MAGI1: variants seen among roughly 807,000 people sequenced by gnomAD.
MAGI1 encodes the protein membrane-associated guanylate kinase, WW and PDZ domain-containing protein 1.
A neutral mutation model predicts 139.9 loss-of-function variants in MAGI1; 58 were observed. The observed-to-expected ratio is 0.41, with a 90% confidence interval of 0.34 to 0.52. The LOEUF is 0.52. Ranked by LOEUF, MAGI1 falls within the 20% of genes least tolerant of loss-of-function variation. The pLI is 0.12. For missense variants in MAGI1, 1,874 were observed against 1,901.6 expected (o/e 0.99, Z 0.27); for synonymous variants, 812 against 737.9 (o/e 1.10, Z -1.63).
chr3:65,895,771 A>C (rs1198296157), intron 1 of MAGI1, among the ~76,000 whole-genome samples: 1 of 152,202 alleles, frequency 6.6e-6, no homozygotes, highest in Non-Finnish European at 1.5e-5. Flanking sequence ...AGTACCATCA[A>C]TATATTTGCT....
At chr3:65,660,109 T>C (rs562508306) in intron 1 of MAGI1, among the ~76,000 whole-genome samples, 182 of 152,310 alleles carry the variant, frequency 1.2e-3, no homozygotes, top group South Asian at 5.6e-3. Context: ...TAATTTCAGC[T>C]TCAAAGAAAG....
intron 1 of MAGI1, among the ~76,000 whole-genome samples, chr3:65,986,791 CT>C (rs2065903860): frequency 6.6e-6 from 1 of 151,874 alleles, no homozygotes; most frequent in South Asian, 2.1e-4. Context: ...TGTTTCTGGA[CT>C]GGTACTTTGA....
intron 1 of MAGI1, among the ~76,000 whole-genome samples, chr3:65,627,489 T>TG: frequency 4.4e-5 from 1 of 22,734 alleles, no homozygotes; most frequent in Non-Finnish European, 7.6e-5. Flanking sequence ...CTGTATCTTT[T>TG]TTTTTTTTTT....
intron 1 of MAGI1, among the ~76,000 whole-genome samples, chr3:65,922,513 T>C (rs2062257890): frequency 1.3e-5 from 2 of 152,226 alleles, no homozygotes; most frequent in South Asian, 2.1e-4. Context: ...ATGCCAAGGA[T>C]TGCTGGAAAC....
chr3:65,939,714 G>T (rs779702100), intron 1 of MAGI1, among the ~76,000 whole-genome samples: 62 of 152,222 alleles, frequency 4.1e-4, no homozygotes, highest in Non-Finnish European at 6.0e-4. Flanking sequence ...AGTAAGAAAG[G>T]AAAGGGAAAT....
chr3:65,835,965 A>G (rs1320318005), intron 1 of MAGI1, among the ~76,000 whole-genome samples: 1 of 152,152 alleles, frequency 6.6e-6, no homozygotes, highest in African/African-American at 2.4e-5. Flanking sequence ...TGAGAGCAGA[A>G]CTGAAGTCCA....
intron 12 of MAGI1, among the ~76,000 whole-genome samples, chr3:65,404,184 T>A (rs545472445): frequency 6.0e-4 from 91 of 152,348 alleles, no homozygotes; most frequent in African/African-American, 2.1e-3. Flanking sequence ...AGAATTCTTT[T>A]TTAAGACCAG....
At chr3:65,680,841 G>C (rs981992430) in intron 1 of MAGI1, among the ~76,000 whole-genome samples, 1 of 151,294 alleles carries the variant, frequency 6.6e-6, no homozygotes, top group Non-Finnish European at 1.5e-5. Flanking sequence ...GCAATTATGG[G>C]ACAACCAGGC....
At chr3:65,469,662 G>C (rs1198534151) in intron 5 of MAGI1, 1 of 151,504 alleles carries the variant, frequency 6.6e-6, no homozygotes, top group African/African-American at 2.4e-5. Flanking sequence ...CTCTGTGTTA[G>C]GCAAAGATTT....
chr3:65,440,125 TA>T (rs1948171432), intron 8 of MAGI1, 113 bp from the exon 9 acceptor site: 1 of 1,169,798 alleles, frequency 8.5e-7, no homozygotes, highest in African/African-American at 1.5e-5. Flanking sequence ...TCTGAGATGC[TA>T]ACCCTCGTGT....
At chr3:65,606,403 C>A (rs2082741793) in intron 2 of MAGI1, among the ~76,000 whole-genome samples, 1 of 151,938 alleles carries the variant, frequency 6.6e-6, no homozygotes, top group African/African-American at 2.4e-5. Flanking sequence ...TACAGTGGCA[C>A]AATCTTGGCT....
rs191296918 is a variant in MAGI1, at chr3:65,577,183, G to A, written c.430+44789C>T. On this transcript the variant is annotated intron_variant, in intron 2 of 22. Transcript: ENST00000402939. ...TTAGAAGTCAAGGCAAATATCACAG[G>A]CAGAGCTGGACTAGAGTGAAACAAA... Among the ~76,000 whole-genome samples the A allele has an allele frequency of 3.1e-3, 476 of 152,214 alleles. 6 individuals carry two copies. The highest frequency in any genetic ancestry group is 0.011 in the African/African-American group (442 of 41,512).
chr3:65,465,720 G>C (rs568480294), intron 5 of MAGI1, among the ~76,000 whole-genome samples: 1 of 151,992 alleles, frequency 6.6e-6, no homozygotes, highest in Admixed American at 6.5e-5. Flanking sequence ...AGTTTTCTTT[G>C]GATTCAGCCA....
intron 2 of MAGI1, among the ~76,000 whole-genome samples, chr3:65,494,195 C>T (rs757455117): frequency 1.3e-5 from 2 of 152,162 alleles, no homozygotes; most frequent in Non-Finnish European, 2.9e-5. Context: ...TGCTGCTGCT[C>T]CTCATGTAAT....
chr3:65,906,467 C>T (rs879860218), intron 1 of MAGI1, among the ~76,000 whole-genome samples: 6 of 152,180 alleles, frequency 3.9e-5, no homozygotes, highest in Non-Finnish European at 7.3e-5. Flanking sequence ...GGGATATCAC[C>T]CCCACCTTTC....
chr3:65,396,923 G>GA (rs1424274597), intron 13 of MAGI1, among the ~76,000 whole-genome samples: 1 of 152,188 alleles, frequency 6.6e-6, no homozygotes, highest in African/African-American at 2.4e-5. Flanking sequence ...TAATGCAGAA[G>GA]AAAAGGCAGG....
At chr3:65,825,912 C>T (rs574520897) in intron 1 of MAGI1, among the ~76,000 whole-genome samples, 12 of 152,132 alleles carry the variant, frequency 7.9e-5, no homozygotes, top group Admixed American at 2.0e-4. Context: ...TGCTTGAACC[C>T]GGGAGGCAGA....
chr3:65,821,739 T>G (rs1377308360), intron 1 of MAGI1, among the ~76,000 whole-genome samples: 1 of 152,156 alleles, frequency 6.6e-6, no homozygotes, highest in Non-Finnish European at 1.5e-5. Flanking sequence ...TCAATTTACC[T>G]GGGCAAAGGG....
intron 1 of MAGI1, among the ~76,000 whole-genome samples, chr3:65,872,388 CT>C (rs2059967925): frequency 6.6e-6 from 1 of 152,192 alleles, no homozygotes; most frequent in Non-Finnish European, 1.5e-5. Flanking sequence ...TCTTCCCTTT[CT>C]TTAATACATA....
Sources: allele counts gnomAD v4.1 joint callset (sites outside exome capture counted in the v4.1 genomes callset), GRCh38; gene constraint gnomAD v4.1.1; transcripts MANE v1.5; gene names NCBI Gene and HGNC (gene_info 2026-07-23, HGNC 2026-07-21).